INPP4B: variants seen among roughly 807,000 people sequenced by gnomAD.
The protein encoded by INPP4B is inositol polyphosphate 4-phosphatase type II.
A neutral mutation model predicts 122.5 loss-of-function variants in INPP4B; 55 were observed. The ratio of observed to expected loss-of-function variants is 0.45; its 90% CI spans 0.36 to 0.56. The LOEUF (loss-of-function observed/expected upper bound fraction) is 0.56, where lower values mean the gene tolerates loss of function less well. Among genes scored for constraint, INPP4B ranks in the 20% least tolerant of loss-of-function variants. The pLI is 0.00. For missense variants in INPP4B, 1,000 were observed against 1,097.7 expected (o/e 0.91, Z 1.26); for synonymous variants, 403 against 388.7 (o/e 1.04, Z -0.43).
intron 11 of INPP4B, among the ~76,000 whole-genome samples, chr4:142,250,346 G>T (rs900828087): frequency 1.3e-5 from 2 of 152,144 alleles, no homozygotes; most frequent in African/African-American, 4.8e-5. Context: ...GAATAGTGAC[G>T]AACTGATATA....
At chr4:142,253,917 G>C (rs9993063) in intron 11 of INPP4B, among the ~76,000 whole-genome samples, 3 of 152,160 alleles carry the variant, frequency 2.0e-5, no homozygotes, top group Non-Finnish European at 4.4e-5. Flanking sequence ...CAGACAAACA[G>C]AAAGACAGCA....
At chr4:142,406,540 C>A (rs1803409755) in intron 5 of INPP4B, among the ~76,000 whole-genome samples, 1 of 152,168 alleles carries the variant, frequency 6.6e-6, no homozygotes, top group Non-Finnish European at 1.5e-5. Flanking sequence ...AAAGCAGGAA[C>A]TTCGGAATGA....
chr4:142,052,033 A>G (rs542513225), intron 25 of INPP4B, among the ~76,000 whole-genome samples: 1 of 151,996 alleles, frequency 6.6e-6, no homozygotes, highest in Non-Finnish European at 1.5e-5. Flanking sequence ...TTTACTTTGC[A>G]AAAAGTATAA....
In INPP4B at chr4:142,174,330, T is replaced by C. The variant is rs188123496; in HGVS notation, c.1182-521A>G. 5.3e-5 allele frequency among the ~76,000 whole-genome samples: 8 copies of C among 152,250 alleles called. 1 individual carries two copies. The East Asian group carries it at 1.6e-3, about 30-fold the overall frequency. On this transcript the variant is annotated intron_variant, in intron 15 of 25. Coordinates refer to ENST00000262992, the MANE Select transcript of INPP4B (RefSeq NM_001101669.3). Reference sequence around the variant, plus strand: ...GGTGTGTAACGTTAGTAGTCATTCATATAAAGTGCCTAAAATTGTGCTTGG... The same window carrying C: ...GGTGTGTAACGTTAGTAGTCATTCACATAAAGTGCCTAAAATTGTGCTTGG...
chr4:142,372,896 AT>A (rs1203174743), intron 7 of INPP4B, among the ~76,000 whole-genome samples: 3 of 152,016 alleles, frequency 2.0e-5, no homozygotes, highest in African/African-American at 7.2e-5. Context: ...AGGAATTCAT[AT>A]GATTAAGCAC....
intron 2 of INPP4B, among the ~76,000 whole-genome samples, chr4:142,604,632 CA>C (rs199808148): frequency 1.3e-5 from 2 of 151,640 alleles, no homozygotes; most frequent in East Asian, 3.9e-4. Flanking sequence ...ATAATAGCTA[CA>C]AAAAAATACT....
At chr4:142,315,104 A>G (rs1767004089) in intron 7 of INPP4B, among the ~76,000 whole-genome samples, 1 of 152,238 alleles carries the variant, frequency 6.6e-6, no homozygotes, top group African/African-American at 2.4e-5. Flanking sequence ...AATTCCATGC[A>G]TGCACAATGA....
At chr4:142,754,495 C>G (rs1448541423) in intron 1 of INPP4B, among the ~76,000 whole-genome samples, 2 of 151,998 alleles carry the variant, frequency 1.3e-5, no homozygotes, top group African/African-American at 4.8e-5. Context: ...TCTTTTTTAA[C>G]AGTTATGCCA....
intron 7 of INPP4B, among the ~76,000 whole-genome samples, chr4:142,392,808 G>T (rs570231108): frequency 6.6e-6 from 1 of 152,240 alleles, no homozygotes; most frequent in African/African-American, 2.4e-5. Flanking sequence ...TATGACCTAC[G>T]GAGAAAACAT....
chr4:142,383,058 T>C (rs1231051967), intron 7 of INPP4B, among the ~76,000 whole-genome samples: 1 of 152,164 alleles, frequency 6.6e-6, no homozygotes, highest in East Asian at 1.9e-4. Flanking sequence ...CAATGAGTTT[T>C]CTCCTTTAGT....
chr4:142,576,735 A>T (rs1733939248), intron 2 of INPP4B, among the ~76,000 whole-genome samples: 5 of 151,988 alleles, frequency 3.3e-5, no homozygotes, highest in African/African-American at 1.2e-4. Context: ...ATCCCTCTAC[A>T]CCCACTACGA....
chr4:142,384,794 AG>A (rs1795398096), intron 7 of INPP4B, among the ~76,000 whole-genome samples: 1 of 152,082 alleles, frequency 6.6e-6, no homozygotes, highest in Non-Finnish European at 1.5e-5. Flanking sequence ...TATTAAGCCT[AG>A]TACCCAATAG....
At chr4:142,452,638 A>G (rs931306119) in intron 3 of INPP4B, among the ~76,000 whole-genome samples, 2 of 152,288 alleles carry the variant, frequency 1.3e-5, no homozygotes, top group South Asian at 2.1e-4. Context: ...CCAGCTGACC[A>G]GTGGCCACAC....
chr4:142,265,321 C>T (rs569765413), intron 10 of INPP4B, among the ~76,000 whole-genome samples: 36 of 152,302 alleles, frequency 2.4e-4, no homozygotes, highest in African/African-American at 8.4e-4. Flanking sequence ...TCCTTTGTCC[C>T]TAGCTCATGC....
chr4:142,254,023 G>A (rs1167124901), intron 11 of INPP4B, among the ~76,000 whole-genome samples: 1 of 107,418 alleles, frequency 9.3e-6, no homozygotes, highest in Non-Finnish European at 2.4e-5. Flanking sequence ...CGGGCAGACT[G>A]CCTCCTCTAG....
intron 7 of INPP4B, among the ~76,000 whole-genome samples, chr4:142,391,557 G>T (rs1178531745): frequency 6.6e-6 from 1 of 152,058 alleles, no homozygotes; most frequent in Non-Finnish European, 1.5e-5. Flanking sequence ...GTGAGACTGT[G>T]TCTCAAAACA....
At chr4:142,176,799 C>T (rs1207205273) in intron 15 of INPP4B, among the ~76,000 whole-genome samples, 1 of 152,154 alleles carries the variant, frequency 6.6e-6, no homozygotes, top group Non-Finnish European at 1.5e-5. Context: ...TCTTTAGAGA[C>T]ACCCTGTCAT....
At chr4:142,463,263 T>C (rs1817077700) in intron 2 of INPP4B, among the ~76,000 whole-genome samples, 1 of 152,226 alleles carries the variant, frequency 6.6e-6, no homozygotes, top group South Asian at 2.1e-4. Flanking sequence ...TGATTTATGA[T>C]GAACATTTAT....
At chr4:142,308,708 ATAATT>A (rs1764352713) in intron 8 of INPP4B, among the ~76,000 whole-genome samples, 1 of 151,506 alleles carries the variant, frequency 6.6e-6, no homozygotes, top group Admixed American at 6.6e-5. Flanking sequence ...TTATAATTAT[ATAATT>A]TAAGATAATT....
Sources: gnomAD v4.1 joint callset for allele counts (sites outside exome capture counted in the v4.1 genomes callset) on GRCh38, gnomAD v4.1.1 for gene constraint, MANE v1.5 for transcripts, NCBI Gene and HGNC (gene_info 2026-07-23, HGNC 2026-07-21) for gene names.